ZNRF3: variants seen among roughly 807,000 people sequenced by gnomAD.
ZNRF3 encodes zinc and ring finger 3, also known as E3 ubiquitin-protein ligase ZNRF3.
A neutral mutation model predicts 72.5 loss-of-function variants in ZNRF3; 23 were observed. That is an observed-to-expected ratio of 0.32 (90% CI 0.23 to 0.45). The LOEUF (loss-of-function observed/expected upper bound fraction) is 0.45. ZNRF3 is among the 20% of genes least tolerant of loss of function. ZNRF3 has a pLI of 1.00. For missense variants in ZNRF3, 1,169 were observed against 1,272.1 expected (o/e 0.92, Z 1.23); for synonymous variants, 610 against 545.3 (o/e 1.12, Z -1.65).
chr22:28,948,700 A>G (rs1327502495), intron 1 of ZNRF3, among the ~76,000 whole-genome samples: 1 of 152,230 alleles, frequency 6.6e-6, no homozygotes, highest in African/African-American at 2.4e-5. Context: ...ATTAGTAATT[A>G]TGAGTATTCT....
intron 2 of ZNRF3, chr22:29,025,768 T>A (rs1393154155): frequency 6.6e-6 from 1 of 152,152 alleles, no homozygotes; most frequent in Non-Finnish European, 1.5e-5. Context: ...GTGATCTGCC[T>A]GCCTCAGCCT....
rs778854742 is a variant in ZNRF3, at chr22:29,050,800, C to A, written c.2619C>A (p.Thr873=). The change falls in exon 8 of 9, where the codon ACC becomes ACA. Residue 873 remains threonine (T), a synonymous_variant. Transcript: ENST00000544604. The part of the protein sequence containing the change: ...TPRPHRGLGA[T]REEERALCCQ... ...GGCCCCACAGGGGCCTGGGAGCAAC[C>A]CGGGAAGAGGAGCGGGCTCTGTGCT... is the stretch of plus-strand genomic sequence containing the variant. 3.4e-5 allele frequency: 55 copies of A among 1,608,288 alleles called. No individual in the cohort carries two copies. Among genetic ancestry groups the A allele is most frequent in the Middle Eastern group, 3.3e-4 (2 of 6,032 alleles).
chr22:29,024,287 T>G (rs2036586904), intron 2 of ZNRF3, among the ~76,000 whole-genome samples: 1 of 151,432 alleles, frequency 6.6e-6, no homozygotes, highest in African/African-American at 2.4e-5. Flanking sequence ...ATTAACTGTT[T>G]TTTTTTTTTT....
chr22:28,981,869 C>T (rs1316996317), intron 1 of ZNRF3, among the ~76,000 whole-genome samples: 1 of 152,078 alleles, frequency 6.6e-6, no homozygotes, highest in Non-Finnish European at 1.5e-5. Context: ...TGGTGGCGGG[C>T]GCCTCTAATC....
intron 2 of ZNRF3, among the ~76,000 whole-genome samples, chr22:28,988,711 T>C (rs1333886566): frequency 1.3e-5 from 2 of 152,204 alleles, no homozygotes; most frequent in East Asian, 1.9e-4. Context: ...GCCAGCTACA[T>C]CTACAGGGTA....
chr22:28,986,782 G>A (rs1445003724), intron 1 of ZNRF3: 1 of 552,814 alleles, frequency 1.8e-6, no homozygotes, highest in Non-Finnish European at 2.3e-6. Context: ...TATGGGAATT[G>A]TGCTGTTTTC....
intron 1 of ZNRF3, among the ~76,000 whole-genome samples, chr22:28,941,893 C>T (rs1264538783): frequency 2.0e-5 from 3 of 152,028 alleles, no homozygotes; most frequent in African/African-American, 7.3e-5. Flanking sequence ...AGGCGGAGGT[C>T]GCAGTGAGCA....
In ZNRF3 at chr22:29,044,716, G is replaced by A. The variant is rs938964668; in HGVS notation, c.634-64G>A. ...TCTTTATCCTGACAAAGCCAAGATA[G>A]CCCATGTGCCGCTTACCAGGCTGGA... On this transcript the variant is annotated intron_variant, in intron 4 of 8. Coordinates refer to ENST00000544604, the MANE Select transcript of ZNRF3 (RefSeq NM_001206998.2). 1.7e-5 allele frequency: 19 copies of A among 1,116,270 alleles called. No individual in the cohort carries two copies. The Admixed American group carries it at 3.2e-4, about 19-fold the overall frequency. The allele number at this position is 1,116,270 out of a possible 1,614,324, so 69.1% of individuals were successfully genotyped here.
At position 29,014,996 on chromosome 22, in the gene ZNRF3, G is replaced by A. The variant is rs374200894; in HGVS notation, c.427-27499G>A. Among the ~76,000 whole-genome samples the A allele has an allele frequency of 9.8e-5, 15 of 152,334 alleles. No individual in the cohort carries two copies. The East Asian group carries it at 2.7e-3, about 27-fold the overall frequency. ...CTGTTCTTTGACACATCTGCAACCT[G>A]GGGTGTGCTCTGATGCTTCCTGTCA... On this transcript the variant is annotated intron_variant, in intron 2 of 8. Coordinates refer to ENST00000544604, the MANE Select transcript of ZNRF3 (RefSeq NM_001206998.2).
chr22:28,984,083 A>G (rs1047206032), intron 1 of ZNRF3, among the ~76,000 whole-genome samples: 9 of 151,816 alleles, frequency 5.9e-5, no homozygotes, highest in African/African-American at 2.2e-4. Flanking sequence ...GGCAGGGCGT[A>G]AGTCATTCCT....
chr22:29,029,305 A>C (rs1165032537), intron 2 of ZNRF3, among the ~76,000 whole-genome samples: 3 of 152,252 alleles, frequency 2.0e-5, no homozygotes, highest in Non-Finnish European at 2.9e-5. Flanking sequence ...TGTTAGAAGC[A>C]AGCAAAAATG....
intron 2 of ZNRF3, among the ~76,000 whole-genome samples, chr22:29,012,583 A>G (rs762876142): frequency 6.6e-6 from 1 of 152,250 alleles, no homozygotes; most frequent in Non-Finnish European, 1.5e-5. Context: ...ATAGTTGTGG[A>G]TAACTGAAGT....
chr22:28,961,095 C>G (rs2035350297), intron 1 of ZNRF3, among the ~76,000 whole-genome samples: 1 of 152,158 alleles, frequency 6.6e-6, no homozygotes. Context: ...AGTCCAAGAT[C>G]AAGGTGCCAG....
intron 1 of ZNRF3, among the ~76,000 whole-genome samples, chr22:28,968,156 T>G (rs1239367429): frequency 6.6e-6 from 1 of 152,190 alleles, no homozygotes; most frequent in Non-Finnish European, 1.5e-5. Flanking sequence ...ATTTTTCTTC[T>G]TCCTCTACTG....
rs375503504 is a variant in ZNRF3 at position 29,049,714 on chromosome 22, C to G, written c.1533C>G (p.Thr511=). 3.1e-6 allele frequency: 5 copies of G among 1,601,478 alleles called. No individual in the cohort carries two copies. Among genetic ancestry groups the G allele is most frequent in the Non-Finnish European group, 3.4e-6 (4 of 1,174,858 alleles). ...PSGSGSLLFP[T]VVHVAPPSHL... ...GCAGTGGCAGCCTGCTCTTCCCCAC[C>G]GTGGTGCACGTGGCCCCGCCCTCCC... Residue 511 remains threonine (T), a synonymous_variant, in exon 8 of 9, where the codon ACC becomes ACG. Coordinates refer to ENST00000544604, the MANE Select transcript of ZNRF3 (RefSeq NM_001206998.2). The surrounding 1 kb of genome is among the most constrained non-coding windows in gnomAD (Gnocchi z 5.2).
Position 29,049,476 on chromosome 22 carries a change from G to A in ZNRF3, c.1295G>A (p.Arg432His), listed in dbSNP as rs959848317. The A allele has an allele frequency of 1.0e-5, 16 of 1,604,120 alleles. No homozygotes were observed. The highest frequency in any genetic ancestry group is 9.4e-5 in the African/African-American group (7 of 74,812). ...LHLDHSLAAH[R>H]CGLEHRAYSP... ...CTGGACCACAGCCTGGCCGCTCACC[G>A]CTGCGGCCTGGAGCACCGGGCCTAC... The change falls in exon 8 of 9, where the codon CGC (arginine) becomes CAC (histidine). Residue 432 changes from arginine (R) to histidine (H), a missense_variant. This residue lies in a region of ZNRF3 where 783 missense variants were observed against 731.4 expected (regional missense o/e 1.07). Transcript: ENST00000544604. This position sits in a 1 kb window ranked among gnomAD's most constrained non-coding sequence, Gnocchi z 5.2.
chr22:28,969,805 G>A (rs2035537680), intron 1 of ZNRF3, among the ~76,000 whole-genome samples: 1 of 152,180 alleles, frequency 6.6e-6, no homozygotes, highest in Non-Finnish European at 1.5e-5. Context: ...AGAGTTGAGG[G>A]AGAGCAGTTA....
At chr22:29,052,960 C>G (rs2037234426) in intron 8 of ZNRF3, among the ~76,000 whole-genome samples, 1 of 152,118 alleles carries the variant, frequency 6.6e-6, no homozygotes, top group Non-Finnish European at 1.5e-5. Context: ...CACAGCAAGA[C>G]CCTGTCTCAA....
At chr22:28,948,518 A>G (rs1472980145) in intron 1 of ZNRF3, among the ~76,000 whole-genome samples, 1 of 152,190 alleles carries the variant, frequency 6.6e-6, no homozygotes, top group Non-Finnish European at 1.5e-5. Flanking sequence ...GCCTTGTTTT[A>G]TATATTTGCA....
Sources: allele counts gnomAD v4.1 joint callset (sites outside exome capture counted in the v4.1 genomes callset), GRCh38; gene constraint gnomAD v4.1.1; regional missense constraint gnomAD v4.1.1; non-coding constraint Gnocchi (gnomAD v3.1); transcripts MANE v1.5; gene names NCBI Gene and HGNC (gene_info 2026-07-23, HGNC 2026-07-21).